The following PCDHGB7 variants were observed in gnomAD, a reference collection of about 807,000 sequenced individuals.
PCDHGB7 encodes the protein protocadherin gamma subfamily B, 7.
Under a neutral mutation model 61.4 loss-of-function variants are expected in PCDHGB7, and 37 were observed. The observed-to-expected ratio is 0.60, with a 90% confidence interval of 0.46 to 0.79. PCDHGB7 has a LOEUF of 0.79. Among genes scored for constraint, PCDHGB7 ranks in the 30% least tolerant of loss-of-function variants. The probability of loss-of-function intolerance (pLI) is 0.00; values close to 1 mark genes in which losing one functional copy is unlikely to be tolerated. For synonymous variants in PCDHGB7, 464 were observed against 503.5 expected (o/e 0.92, Z 1.05); for missense variants, 1,166 against 1,202.5 (o/e 0.97, Z 0.45).
chr5:141,511,215 A>G lies in PCDHGB7; in HGVS notation c.*42A>G, dbSNP rs1562250541. On this transcript the variant is annotated 3_prime_UTR_variant, in exon 4 of 4. Coordinates refer to ENST00000398594, the MANE Select transcript of PCDHGB7 (RefSeq NM_018927.4). ...AGAGCCACAGGGCGGCCTCTCCCCA[A>G]CCAGCCCAGCTTCTCCTTACCTGCA... The G allele has an allele frequency of 1.2e-6, 2 of 1,608,380 alleles. No individual in the cohort carries two copies. The highest frequency in any genetic ancestry group is 2.2e-5 in the East Asian group (1 of 44,560).
intron 1 of PCDHGB7, among the ~76,000 whole-genome samples, chr5:141,480,151 C>T (rs543997143): frequency 1.3e-5 from 2 of 152,162 alleles, no homozygotes; most frequent in African/African-American, 4.8e-5. Context: ...TTAGCCAGCT[C>T]CTAGCATTTT....
At chr5:141,438,396 ACT>A (rs2097958956) in intron 1 of PCDHGB7, among the ~76,000 whole-genome samples, 2 of 150,930 alleles carry the variant, frequency 1.3e-5, no homozygotes, top group African/African-American at 4.9e-5. Context: ...TTCATCATTA[ACT>A]CTCTGAAGTA....
intron 2 of PCDHGB7, among the ~76,000 whole-genome samples, chr5:141,495,663 G>T (rs756466649): frequency 6.6e-6 from 1 of 152,050 alleles, no homozygotes; most frequent in African/African-American, 2.4e-5. Context: ...GATCTGTGCC[G>T]CCCACTGTGC....
At chr5:141,502,864 G>GTTTTTTTT in intron 2 of PCDHGB7, among the ~76,000 whole-genome samples, 3 of 61,566 alleles carry the variant, frequency 4.9e-5, no homozygotes, top group African/African-American at 2.4e-4. Context: ...CTGACTCTCT[G>GTTTTTTTT]TCTTTTTTTT....
intron 1 of PCDHGB7, among the ~76,000 whole-genome samples, chr5:141,452,316 T>C (rs2098738639): frequency 6.6e-6 from 1 of 152,208 alleles, no homozygotes; most frequent in Non-Finnish European, 1.5e-5. Flanking sequence ...ACTCATACTT[T>C]CCTTGTTCCA....
At chr5:141,450,626 A>G (rs1474729472) in intron 1 of PCDHGB7, among the ~76,000 whole-genome samples, 1 of 151,438 alleles carries the variant, frequency 6.6e-6, no homozygotes, top group East Asian at 2.0e-4. Context: ...AGCTGGGATT[A>G]CAGATGCCTG....
In PCDHGB7 at chr5:141,490,499, A is replaced by G. The variant is rs1269710790; in HGVS notation, c.2416-4308A>G. On this transcript the variant is annotated intron_variant, in intron 1 of 3. Coordinates refer to ENST00000398594, the MANE Select transcript of PCDHGB7 (RefSeq NM_018927.4). The surrounding 1 kb of genome is among the most constrained non-coding windows in gnomAD (Gnocchi z 5.4). ...TTGGACCGGGAGGCCACATCCCACT[A>G]TATCATCGAGCTGCTGGCCAGCGAT... 1.2e-6 allele frequency: 2 copies of G among 1,614,148 alleles called. No homozygotes were observed. Among genetic ancestry groups the G allele is most frequent in the Non-Finnish European group, 8.5e-7 (1 of 1,180,020 alleles).
At chr5:141,505,154 C>T (rs1443235547) in intron 2 of PCDHGB7, among the ~76,000 whole-genome samples, 2 of 152,028 alleles carry the variant, frequency 1.3e-5, no homozygotes, top group Non-Finnish European at 2.9e-5. Flanking sequence ...AGAGTAAGAC[C>T]CTGTCTAAAA....
Position 141,431,033 on chromosome 5 carries a change from C to G in PCDHGB7, c.2415+10759C>G, listed in dbSNP as rs1006751011. ...CTTGGTCACGGCGGGCAGGATAGAC[C>G]GGGAGGAGCTCTGTATGGGGGCCAT... On this transcript the variant is annotated intron_variant, in intron 1 of 3. Coordinates refer to ENST00000398594, the MANE Select transcript of PCDHGB7 (RefSeq NM_018927.4). This position sits in a 1 kb window ranked among gnomAD's most constrained non-coding sequence, Gnocchi z 4.8. 1.2e-6 allele frequency: 2 copies of G among 1,613,980 alleles called. No individual in the cohort carries two copies. Among genetic ancestry groups the G allele is most frequent in the Admixed American group, 3.3e-5 (2 of 60,024 alleles).
Position 141,420,299 on chromosome 5 carries a change from T to A in PCDHGB7, c.2415+25T>A, listed in dbSNP as rs377297222. On this transcript the variant is annotated intron_variant, in intron 1 of 3. Coordinates refer to ENST00000398594, the MANE Select transcript of PCDHGB7 (RefSeq NM_018927.4). Reference sequence around the variant, plus strand: ...GGTAAGTATTTAAAAATGTATTTAATCCTTTTTATATTACAATATGCCAAT... The same window carrying A: ...GGTAAGTATTTAAAAATGTATTTAAACCTTTTTATATTACAATATGCCAAT... 6.8e-6 allele frequency: 10 copies of A among 1,465,980 alleles called. No homozygotes were observed. The African/African-American group carries it at 1.4e-4, about 21-fold the overall frequency. 90.8% of individuals were successfully genotyped at this position (1,465,980 alleles called of 1,614,324 possible). A position where few individuals can be genotyped will look rare whatever the true frequency, so the allele number is the denominator to read the frequency against.
At position 141,489,720 on chromosome 5, in the gene PCDHGB7, G is replaced by T. The variant is rs560729125; in HGVS notation, c.2416-5087G>T. 1.9e-6 allele frequency: 3 copies of T among 1,614,200 alleles called. No individual in the cohort carries two copies. Among genetic ancestry groups the T allele is most frequent in the Middle Eastern group, 1.6e-4 (1 of 6,062 alleles). ...TCCCACTGGACAGTGCCCAGGATCC[G>T]GATGTGGGCACCAATACTGTGAGCT... On this transcript the variant is annotated intron_variant, in intron 1 of 3. Transcript: ENST00000398594. This position sits in a 1 kb window ranked among gnomAD's most constrained non-coding sequence, Gnocchi z 4.5.
rs138616951 is a variant in PCDHGB7, at chr5:141,490,312, C to T, written c.2416-4495C>T. On this transcript the variant is annotated intron_variant, in intron 1 of 3. Transcript: ENST00000398594. The surrounding 1 kb of genome is among the most constrained non-coding windows in gnomAD (Gnocchi z 5.4). ...GGTGCTATTGGCCTCTTTGGCCAAC[C>T]CTGTCCTAGAGAGCACACCAGTGGG... 67 of 1,614,050 alleles carry T rather than the reference C, an allele frequency of 4.2e-5. No individual in the cohort carries two copies. The highest frequency in any genetic ancestry group is 5.3e-5 in the Non-Finnish European group (63 of 1,180,008).
chr5:141,420,301 CT>C, intron 1 of PCDHGB7, 27 bp downstream of exon 1: 1 of 1,462,308 alleles, frequency 6.8e-7, no homozygotes, highest in Non-Finnish European at 9.2e-7. Flanking sequence ...GTATTTAATC[CT>C]TTTTATATTA....
intron 1 of PCDHGB7, among the ~76,000 whole-genome samples, chr5:141,448,837 C>CT (rs2098610093): frequency 6.6e-6 from 1 of 152,014 alleles, no homozygotes; most frequent in Non-Finnish European, 1.5e-5. Context: ...CCCAGCTACT[C>CT]TGGAGGCTGA....
In PCDHGB7 at chr5:141,506,418, G is replaced by A. The variant is rs2099853241; in HGVS notation, c.2563+937G>A. Among the ~76,000 whole-genome samples, 3 of 141,160 alleles carry A rather than the reference G, an allele frequency of 2.1e-5. No homozygotes were observed. The South Asian group carries it at 6.6e-4, about 31-fold the overall frequency. 92.6% of individuals were successfully genotyped at this position (141,160 alleles called of 152,430 possible). The stretch of plus-strand genomic sequence containing the variant: ...CAGAAAATCGCACCACTGCACTCCA[G>A]CCTGGGCAACAGTCTCGCTCTGTCT... On this transcript the variant is annotated intron_variant, in intron 3 of 3. Coordinates refer to ENST00000398594, the MANE Select transcript of PCDHGB7 (RefSeq NM_018927.4).
chr5:141,421,850 C>T, intron 1 of PCDHGB7: 1 of 1,613,752 alleles, frequency 6.2e-7, no homozygotes, highest in Non-Finnish European at 8.5e-7. Context: ...AAAGAGGCTG[C>T]TCACCTGCTC....
chr5:141,441,973 C>A lies in PCDHGB7; in HGVS notation c.2415+21699C>A, dbSNP rs1457832429. The A allele has an allele frequency of 3.7e-5, 11 of 296,542 alleles. No individual in the cohort carries two copies. In the Admixed American group the frequency reaches 4.9e-4, roughly 13 times the overall value. 18.4% of individuals were successfully genotyped at this position (296,542 alleles called of 1,614,324 possible). A position where few individuals can be genotyped will look rare whatever the true frequency, so the allele number is the denominator to read the frequency against. ...GGCCAGCAAGCCCAGGCTCTTCAGC[C>A]TGGAATGCGCACCGACGAGGTGCTG... On this transcript the variant is annotated intron_variant, in intron 1 of 3. Coordinates refer to ENST00000398594, the MANE Select transcript of PCDHGB7 (RefSeq NM_018927.4).
At chr5:141,449,566 G>A (rs1235137244) in intron 1 of PCDHGB7, among the ~76,000 whole-genome samples, 4 of 147,126 alleles carry the variant, frequency 2.7e-5, no homozygotes, top group East Asian at 4.0e-4. Context: ...TCCAGCCTGG[G>A]CGACAGAGCA....
intron 2 of PCDHGB7, among the ~76,000 whole-genome samples, chr5:141,502,845 T>G (rs2099816267): frequency 6.8e-6 from 1 of 147,606 alleles, no homozygotes; most frequent in South Asian, 2.1e-4. Context: ...CTGGCTGAGC[T>G]GCCTAACCCT....
Sources: allele counts gnomAD v4.1 joint callset (sites outside exome capture counted in the v4.1 genomes callset), GRCh38; gene constraint gnomAD v4.1.1; non-coding constraint Gnocchi (gnomAD v3.1); transcripts MANE v1.5; gene names NCBI Gene and HGNC (gene_info 2026-07-23, HGNC 2026-07-21).